Variants in PRPF6 observed in about 807,000 individuals in gnomAD.
PRPF6 encodes the protein pre-mRNA processing factor 6.
Under a neutral mutation model 118.3 loss-of-function variants are expected in PRPF6, and 42 were observed. The observed-to-expected ratio is 0.35, with a 90% CI of 0.28 to 0.46. PRPF6 has a LOEUF of 0.46. PRPF6 is among the 20% of genes least tolerant of loss of function. The pLI, the probability that PRPF6 is intolerant of heterozygous loss-of-function variation, is 1.00. For missense variants in PRPF6, 662 were observed against 1,255.7 expected, an observed-to-expected ratio of 0.53 and a Z score of 7.15; for synonymous variants, 481 against 485.1, an observed-to-expected ratio of 0.99 and a Z score of 0.11.
rs1411914531 is a variant in PRPF6, at chr20:64,022,747, T to G, written c.1648-10T>G. 1.2e-6 allele frequency: 2 copies of G among 1,614,048 alleles called. No individual in the cohort carries two copies. The highest frequency in any genetic ancestry group is 1.3e-5 in the African/African-American group (1 of 75,072). ...TGGGCTGCCCATTCTCATGTCTCTC[T>G]CTGCTCTAGTGTGTAGCCCACAATG... On this transcript the variant is annotated splice_polypyrimidine_tract_variant and intron_variant, in intron 12 of 20. Coordinates refer to ENST00000266079, the MANE Select transcript of PRPF6 (RefSeq NM_012469.4).
intron 13 of PRPF6, among the ~76,000 whole-genome samples, chr20:64,023,309 T>A (rs945930670): frequency 2.0e-5 from 3 of 152,130 alleles, no homozygotes; most frequent in Non-Finnish European, 2.9e-5. Flanking sequence ...TCAGAGGAGG[T>A]CCTTGACAAT....
chr20:64,002,640 C>A (rs920761087), intron 9 of PRPF6, among the ~76,000 whole-genome samples: 3 of 129,090 alleles, frequency 2.3e-5, no homozygotes, highest in African/African-American at 8.7e-5. Context: ...CTGGCCTTTT[C>A]TTTTCTTTTT....
intron 9 of PRPF6, among the ~76,000 whole-genome samples, chr20:64,003,998 T>G (rs138120306): frequency 1.5e-3 from 233 of 152,340 alleles, no homozygotes; most frequent in African/African-American, 5.2e-3. Context: ...AAGAAATAGT[T>G]CTTTGATGAA....
chr20:63,993,306 G>C, intron 3 of PRPF6, 101 bp from the exon 4 acceptor site: 1 of 662,806 alleles, frequency 1.5e-6, no homozygotes, highest in South Asian at 1.5e-5. Flanking sequence ...GCTACTAAGA[G>C]TATGGAATTG....
At chr20:63,987,590 G>A (rs2059100424) in intron 3 of PRPF6, among the ~76,000 whole-genome samples, 1 of 152,208 alleles carries the variant, frequency 6.6e-6, no homozygotes, top group African/African-American at 2.4e-5. Flanking sequence ...CATTGTACTG[G>A]AAGTCCTAGC....
chr20:64,030,880 G>C (rs1660234326), intron 19 of PRPF6, among the ~76,000 whole-genome samples: 1 of 152,242 alleles, frequency 6.6e-6, no homozygotes, highest in Non-Finnish European at 1.5e-5. Context: ...CGGAGTGGAG[G>C]CTCCTCGTGT....
At chr20:63,988,058 G>A (rs181392299) in intron 3 of PRPF6, among the ~76,000 whole-genome samples, 59 of 151,596 alleles carry the variant, frequency 3.9e-4, no homozygotes, top group Middle Eastern at 3.4e-3. Flanking sequence ...TGGGACTCAC[G>A]CCTGTAATCC....
rs372894838 is a variant in PRPF6 at position 64,016,857 on chromosome 20, A to G, written c.1647+12A>G. The G allele has an allele frequency of 6.2e-7, 1 of 1,614,142 alleles. No homozygotes were observed. Among genetic ancestry groups the G allele is most frequent in the Non-Finnish European group, 8.5e-7 (1 of 1,179,996 alleles). Reference sequence around the variant, plus strand: ...AGGATGCTGACAGTGTGAGTTGGCAACAGGGGCCTTTGTCCGTAATATGGA... The same window carrying G: ...AGGATGCTGACAGTGTGAGTTGGCAGCAGGGGCCTTTGTCCGTAATATGGA... On this transcript the variant is annotated intron_variant, in intron 12 of 20. Coordinates refer to ENST00000266079, the MANE Select transcript of PRPF6 (RefSeq NM_012469.4).
chr20:63,981,768 A>C (rs991658247), intron 1 of PRPF6, among the ~76,000 whole-genome samples: 9 of 148,952 alleles, frequency 6.0e-5, no homozygotes, highest in African/African-American at 2.0e-4. Flanking sequence ...TTGGCTATTC[A>C]TTTGATGAGG....
In PRPF6 at chr20:64,033,019, C is replaced by T. The variant is rs769941898; in HGVS notation, c.*26C>T. ...TTGAGCGGTTGCCATGGCCGGTCTC[C>T]GTGGGGCAGGGTTGGGCCGCATGTG... On this transcript the variant is annotated 3_prime_UTR_variant, in exon 21 of 21. Coordinates refer to ENST00000266079, the MANE Select transcript of PRPF6 (RefSeq NM_012469.4). 8.1e-6 allele frequency: 13 copies of T among 1,612,692 alleles called. No individual in the cohort carries two copies. Among genetic ancestry groups the T allele is most frequent in the East Asian group, 4.5e-5 (2 of 44,888 alleles).
chr20:64,019,858 C>G (rs767015585), intron 12 of PRPF6, among the ~76,000 whole-genome samples: 2 of 152,208 alleles, frequency 1.3e-5, no homozygotes, highest in Non-Finnish European at 1.5e-5. Flanking sequence ...ATCTCAGTGA[C>G]ATCCCCACTC....
At position 63,984,883 on chromosome 20, in the gene PRPF6, C is replaced by G. The variant is rs753894652; in HGVS notation, c.241-24C>G. On this transcript the variant is annotated intron_variant, in intron 2 of 20. Transcript: ENST00000266079. ...ATGGTGTTGAAGGAAAAGCTGACCT[C>G]TACACGTGTTGTTTGCTTCTCAGTT... 33 of 1,544,278 alleles carry G rather than the reference C, an allele frequency of 2.1e-5. No homozygotes were observed. The African/African-American group carries it at 2.9e-4, about 13-fold the overall frequency.
At chr20:64,032,114 G>C (rs984944974) in intron 20 of PRPF6, 70 bp downstream of exon 20, 3 of 1,608,632 alleles carry the variant, frequency 1.9e-6, no homozygotes, top group Admixed American at 3.3e-5. Flanking sequence ...CCAGCCCTGG[G>C]GGCTCTAGGA....
At chr20:64,022,907 G>A in intron 13 of PRPF6, 29 bp downstream of exon 13, 2 of 1,613,728 alleles carry the variant, frequency 1.2e-6, no homozygotes, top group Non-Finnish European at 1.7e-6. Flanking sequence ...CTGCCCAAGG[G>A]TGCTAATGAA....
Position 64,026,236 on chromosome 20 carries a change from G to T in PRPF6, c.2028+178G>T, listed in dbSNP as rs917262711. Among the ~76,000 whole-genome samples the T allele has an allele frequency of 3.3e-5, 5 of 152,220 alleles. No homozygotes were observed. In the South Asian group the frequency reaches 1.0e-3, roughly 31 times the overall value. On this transcript the variant is annotated intron_variant, in intron 15 of 20. Transcript: ENST00000266079. This position sits in a 1 kb window ranked among gnomAD's most constrained non-coding sequence, Gnocchi z 4.4. ...TGGCCGGGCGTGGTGGCCGGGCGCG[G>T]TGGCTCACGCCTGTAATCTCAGCAC...
intron 6 of PRPF6, among the ~76,000 whole-genome samples, 173 bp downstream of exon 6, chr20:63,995,655 G>T (rs1296675861): frequency 7.1e-5 from 9 of 126,836 alleles, no homozygotes. Flanking sequence ...GAATAATTCC[G>T]CAGATTTTTA....
intron 12 of PRPF6, among the ~76,000 whole-genome samples, chr20:64,022,363 A>G (rs1206729272): frequency 6.6e-6 from 1 of 152,106 alleles, no homozygotes; most frequent in Non-Finnish European, 1.5e-5. Flanking sequence ...GCTGGAGTGC[A>G]GTGGCGTGAT....
In PRPF6 at chr20:64,016,775, T is replaced by C. The variant is rs1467909645; in HGVS notation, c.1577T>C (p.Met526Thr). ...AGTGTGGCCACCTGCCAGGCCGTCATGCGTGCCGTGATTGGGATTGGGATT... is the reference window on the plus strand; with the variant it reads ...AGTGTGGCCACCTGCCAGGCCGTCACGCGTGCCGTGATTGGGATTGGGATT... ...AGSVATCQAV[M>T]RAVIGIGIEE... is the part of the protein sequence containing the mutation. The change falls in exon 12 of 21, where the codon ATG (methionine) becomes ACG (threonine). Residue 526 changes from methionine (M) to threonine (T), a missense_variant. Transcript: ENST00000266079. The C allele has an allele frequency of 3.7e-6, 6 of 1,614,100 alleles. No individual in the cohort carries two copies. The East Asian group carries it at 8.9e-5, about 24-fold the overall frequency.
At chr20:63,986,368 C>T (rs974954687) in intron 3 of PRPF6, among the ~76,000 whole-genome samples, 3 of 148,924 alleles carry the variant, frequency 2.0e-5, no homozygotes, top group East Asian at 3.9e-4. Context: ...AAAAAAAGAT[C>T]GTTCATCATG....
Sources: allele counts gnomAD v4.1 joint callset (sites outside exome capture counted in the v4.1 genomes callset), GRCh38; gene constraint gnomAD v4.1.1; non-coding constraint Gnocchi (gnomAD v3.1); transcripts MANE v1.5; gene names NCBI Gene and HGNC (gene_info 2026-07-23, HGNC 2026-07-21).